The following ZNF292 variants were observed in gnomAD, a reference collection of about 807,000 sequenced individuals.
The protein encoded by ZNF292 is zinc finger protein 292.
In ZNF292, 26 loss-of-function variants were observed where a neutral mutation model predicts 217.9. The ratio of observed to expected loss-of-function variants is 0.12; its 90% CI spans 0.09 to 0.17. The LOEUF (loss-of-function observed/expected upper bound fraction) is 0.17. Among genes scored for constraint, ZNF292 ranks in the 10% least tolerant of loss-of-function variants. ZNF292 has a pLI of 1.00. For missense variants in ZNF292, 2,904 were observed against 3,175.2 expected (o/e 0.91, Z 2.05); for synonymous variants, 1,257 against 1,124.1 (o/e 1.12, Z -2.37).
At position 87,265,107 on chromosome 6, in the gene ZNF292, C is replaced by A. The variant is rs74569477; in HGVS notation, c.*3306C>A. ...GCTGTAGTTCTCTCTCTCTCTCTCT[C>A]TTTTTTTTTCTTTGTTTTTTTTGGA... On this transcript the variant is annotated 3_prime_UTR_variant, in exon 8 of 8. Coordinates refer to ENST00000369577, the MANE Select transcript of ZNF292 (RefSeq NM_015021.3). Among the ~76,000 whole-genome samples the A allele has an allele frequency of 6.8e-6, 1 of 147,492 alleles. No individual in the cohort carries two copies. The highest frequency in any genetic ancestry group is 2.6e-5 in the African/African-American group (1 of 38,886).
At chr6:87,181,632 T>A (rs970116084) in intron 1 of ZNF292, among the ~76,000 whole-genome samples, 2 of 152,172 alleles carry the variant, frequency 1.3e-5, no homozygotes, top group Non-Finnish European at 2.9e-5. Context: ...CTGTCTTCTG[T>A]TCATGTGTAT....
At chr6:87,177,342 T>A (rs932934783) in intron 1 of ZNF292, among the ~76,000 whole-genome samples, 3 of 146,764 alleles carry the variant, frequency 2.0e-5, no homozygotes, top group African/African-American at 7.6e-5. Flanking sequence ...AAAAAAAAAA[T>A]GTTTTGAATC....
At chr6:87,203,825 G>A (rs1348729602) in intron 1 of ZNF292, among the ~76,000 whole-genome samples, 1 of 152,108 alleles carries the variant, frequency 6.6e-6, no homozygotes, top group East Asian at 1.9e-4. Context: ...AGAGCAGGGT[G>A]AGCAGGCATA....
rs551687318 is a variant in ZNF292 at position 87,246,100 on chromosome 6, G to A, written c.1020+456G>A. 8.5e-5 allele frequency among the ~76,000 whole-genome samples: 13 copies of A among 152,156 alleles called. No individual in the cohort carries two copies. In the East Asian group the frequency reaches 1.6e-3, roughly 18 times the overall value. ...ACAAAAATTAGCCAGGTGTGGTGGC[G>A]TGCACCTGTAATCCCAGCTACTCAG... is the stretch of plus-strand genomic sequence containing the variant. On this transcript the variant is annotated intron_variant, in intron 7 of 7. Transcript: ENST00000369577.
At chr6:87,173,428 T>C (rs1331101968) in intron 1 of ZNF292, 1 of 156,356 alleles carries the variant, frequency 6.4e-6, no homozygotes, top group Non-Finnish European at 1.4e-5. Flanking sequence ...TCACTGTGTT[T>C]CTTTCTTTTT....
chr6:87,229,981 G>T (rs1773565191), intron 4 of ZNF292, among the ~76,000 whole-genome samples: 1 of 152,050 alleles, frequency 6.6e-6, no homozygotes, highest in African/African-American at 2.4e-5. Context: ...GTTGGGTTGG[G>T]GGAGCAATAT....
rs530141025 is a variant in ZNF292, at chr6:87,190,466, T to TTTTA, written c.169-25417_169-25414dup. 7.5e-4 allele frequency among the ~76,000 whole-genome samples: 114 copies of TTTTA among 152,134 alleles called. 1 individual carries two copies. Among genetic ancestry groups the TTTTA allele is most frequent in the East Asian group, 2.1e-3 (11 of 5,192 alleles). On this transcript the variant is annotated intron_variant, in intron 1 of 7. Transcript: ENST00000369577. The stretch of plus-strand genomic sequence containing the variant: ...TGTATTTTCATTTTTTATTTTATAC[T>TTTTA]TTTATTTATTTATTTATTTATTTTT...
chr6:87,239,800 C>T lies in ZNF292; in HGVS notation c.742-3675C>T, dbSNP rs979799113. On this transcript the variant is annotated intron_variant, in intron 5 of 7. Transcript: ENST00000369577. ...CCCCACATCTCAGACAATGGGCAGC[C>T]GAGCAGAGACGCTCCTCACTTCCTA... Among the ~76,000 whole-genome samples the T allele has an allele frequency of 7.3e-5, 11 of 150,278 alleles. 1 individual carries two copies. Among genetic ancestry groups the T allele is most frequent in the East Asian group, 4.0e-4 (2 of 5,054 alleles).
At chr6:87,175,469 A>G (rs1487785367) in intron 1 of ZNF292, among the ~76,000 whole-genome samples, 1 of 152,068 alleles carries the variant, frequency 6.6e-6, no homozygotes, top group Non-Finnish European at 1.5e-5. Flanking sequence ...CTGAGTAGCT[A>G]GGATTACAGG....
chr6:87,257,042 A>T lies in ZNF292; in HGVS notation c.3413A>T (p.Lys1138Ile). The T allele has an allele frequency of 8.1e-6, 13 of 1,613,774 alleles. No homozygotes were observed. Among genetic ancestry groups the T allele is most frequent in the Non-Finnish European group, 1.1e-5 (13 of 1,179,778 alleles). Residue 1138 changes from lysine (K) to isoleucine (I), a missense_variant, in exon 8 of 8, where the codon AAA becomes ATA. By Grantham distance (102) the Lys-to-Ile change is moderately radical (BLOSUM62 -3). Transcript: ENST00000369577. ...AAFKMQRKSK[K>I]GQKANNLNTP... The stretch of plus-strand genomic sequence containing the variant: ...TTTAAAATGCAGCGCAAAAGTAAAA[A>T]AGGTCAGAAAGCTAACAACTTAAAT...
intron 1 of ZNF292, among the ~76,000 whole-genome samples, chr6:87,160,256 TTG>T (rs1770687715): frequency 6.6e-6 from 1 of 151,998 alleles, no homozygotes; most frequent in African/African-American, 2.4e-5. Context: ...AACAGAGGAG[TTG>T]TTCTAAAGAG....
At chr6:87,248,837 A>G (rs1774745465) in intron 7 of ZNF292, among the ~76,000 whole-genome samples, 1 of 152,082 alleles carries the variant, frequency 6.6e-6, no homozygotes, top group South Asian at 2.1e-4. Flanking sequence ...CTTACTCACC[A>G]CTCATAAAGA....
At position 87,254,348 on chromosome 6, in the gene ZNF292, T is replaced by G. The variant is rs952855506; in HGVS notation, c.1021-302T>G. Among the ~76,000 whole-genome samples, 3 of 152,296 alleles carry G rather than the reference T, an allele frequency of 2.0e-5. No homozygotes were observed. The South Asian group carries it at 6.2e-4, about 32-fold the overall frequency. On this transcript the variant is annotated intron_variant, in intron 7 of 7. Coordinates refer to ENST00000369577, the MANE Select transcript of ZNF292 (RefSeq NM_015021.3). The stretch of plus-strand genomic sequence containing the variant: ...GAAGTTTAAGTGCTGTTTTGACCTC[T>G]GTTTTATAAGTGGGATGGGAAAGGT...
intron 1 of ZNF292, among the ~76,000 whole-genome samples, chr6:87,188,938 C>T (rs1018891254): frequency 1.3e-5 from 2 of 152,066 alleles, no homozygotes; most frequent in Non-Finnish European, 2.9e-5. Flanking sequence ...GGCACCGTGG[C>T]TCTTGCCTGT....
In ZNF292 at chr6:87,260,423, G is replaced by A. The variant is rs1775504137; in HGVS notation, c.6794G>A (p.Arg2265His). The change falls in exon 8 of 8, where the codon CGT becomes CAT. Residue 2265 changes from arginine to histidine, a missense_variant. Around this residue, in one of 15 missense-constraint regions of ZNF292, gnomAD observed 55 missense variants for 99.8 expected, o/e 0.55. Transcript: ENST00000369577. ...AAATGTGATTGTGAAGGCTGTGACCGTATATATGCAACCCGGTCGAATCTC... is the reference window on the plus strand; with the variant it reads ...AAATGTGATTGTGAAGGCTGTGACCATATATATGCAACCCGGTCGAATCTC... ...VYKCDCEGCD[R>H]IYATRSNLLR... 1.2e-6 allele frequency: 2 copies of A among 1,613,492 alleles called. No homozygotes were observed. Among genetic ancestry groups the A allele is most frequent in the Admixed American group, 1.7e-5 (1 of 59,930 alleles).
At chr6:87,164,438 T>G (rs541349206) in intron 1 of ZNF292, among the ~76,000 whole-genome samples, 8 of 152,338 alleles carry the variant, frequency 5.3e-5, no homozygotes, top group African/African-American at 1.9e-4. Context: ...CTCAGCCACC[T>G]TGTGGGAAGG....
In ZNF292 at chr6:87,256,903, A is replaced by G. The variant is rs1775253855; in HGVS notation, c.3274A>G (p.Lys1092Glu). ...ATTAGGAACTCCATCAGTGCCTCCA[A>G]AAGCTCCAGTTCAGAAATTCAGCTG... ...NSLGTPSVPPKAPVQKFSCQV... is the reference protein window; with the variant it reads ...NSLGTPSVPPEAPVQKFSCQV... Residue 1092 changes from lysine (K) to glutamate (E), a missense_variant, in exon 8 of 8, where the codon AAA becomes GAA. Transcript: ENST00000369577. 3 of 1,613,870 alleles carry G rather than the reference A, an allele frequency of 1.9e-6. No individual in the cohort carries two copies. The highest frequency in any genetic ancestry group is 2.2e-5 in the South Asian group (2 of 91,080).
intron 1 of ZNF292, among the ~76,000 whole-genome samples, chr6:87,158,684 T>C (rs924066907): frequency 2.5e-4 from 38 of 152,054 alleles, no homozygotes; most frequent in African/African-American, 9.2e-4. Flanking sequence ...CTCAAAAAAA[T>C]AAAAAATAAA....
intron 1 of ZNF292, among the ~76,000 whole-genome samples, chr6:87,186,944 G>A (rs942471898): frequency 5.3e-5 from 8 of 152,184 alleles, no homozygotes; most frequent in Non-Finnish European, 1.0e-4. Flanking sequence ...AGCAGCAAGG[G>A]TTCATGGGAT....
Sources: gnomAD v4.1 joint callset for allele counts (sites outside exome capture counted in the v4.1 genomes callset) on GRCh38, gnomAD v4.1.1 for gene constraint, gnomAD v4.1.1 regional missense constraint, MANE v1.5 for transcripts, NCBI Gene and HGNC (gene_info 2026-07-23, HGNC 2026-07-21) for gene names.